The following NRG3 variants were observed in gnomAD, a reference collection of about 807,000 sequenced individuals.
The protein encoded by NRG3 is pro-neuregulin-3, membrane-bound isoform.
A neutral mutation model predicts 66.9 loss-of-function variants in NRG3; 31 were observed. The ratio of observed to expected loss-of-function variants is 0.46; its 90% CI spans 0.35 to 0.63. The LOEUF is 0.63. NRG3 is among the 20% of genes least tolerant of loss of function. The pLI, the probability that NRG3 is intolerant of heterozygous loss-of-function variation, is 0.00. For missense variants in NRG3, 910 were observed against 878.9 expected (o/e 1.04, Z -0.45); for synonymous variants, 393 against 359.4 (o/e 1.09, Z -1.06).
chr10:82,524,245 C>CAATATGGT (rs1438003516), intron 2 of NRG3, among the ~76,000 whole-genome samples: 1 of 151,882 alleles, frequency 6.6e-6, no homozygotes, highest in African/African-American at 2.4e-5. Flanking sequence ...CAAAAAATAG[C>CAATATGGT]AATATGGTTG....
chr10:82,500,535 G>A (rs1844073912), intron 2 of NRG3, among the ~76,000 whole-genome samples: 2 of 152,152 alleles, frequency 1.3e-5, no homozygotes, highest in Non-Finnish European at 2.9e-5. Flanking sequence ...TGCTTCCGCT[G>A]CAGTGCATTG....
chr10:82,146,055 C>T lies in NRG3; in HGVS notation c.824-212684C>T, dbSNP rs138264397. The stretch of plus-strand genomic sequence containing the variant: ...AAATATTTTGTGAGTGAGTTAAACA[C>T]CTCACATCTTGACATAAGGCATGTA... On this transcript the variant is annotated intron_variant, in intron 1 of 8. Transcript: ENST00000372141. 1.2e-3 allele frequency among the ~76,000 whole-genome samples: 184 copies of T among 152,272 alleles called. 1 individual carries two copies. Among genetic ancestry groups the T allele is most frequent in the Non-Finnish European group, 2.0e-3 (139 of 68,022 alleles).
intron 1 of NRG3, among the ~76,000 whole-genome samples, chr10:82,144,482 G>C (rs2070093297): frequency 6.6e-6 from 1 of 152,176 alleles, no homozygotes; most frequent in African/African-American, 2.4e-5. Context: ...CTTTGGTGAA[G>C]AATGTCCTCA....
chr10:82,612,747 A>G (rs773703318), intron 2 of NRG3, among the ~76,000 whole-genome samples: 2 of 152,164 alleles, frequency 1.3e-5, no homozygotes, highest in African/African-American at 4.8e-5. Context: ...TTACACTGTC[A>G]TATTTTTGTA....
At chr10:82,708,323 T>G (rs1291827803) in intron 2 of NRG3, among the ~76,000 whole-genome samples, 2 of 152,168 alleles carry the variant, frequency 1.3e-5, no homozygotes, top group Admixed American at 1.3e-4. Context: ...CCAACATGTA[T>G]TTTAGGTGCA....
At chr10:82,122,897 C>T (rs529399038) in intron 1 of NRG3, among the ~76,000 whole-genome samples, 1 of 152,156 alleles carries the variant, frequency 6.6e-6, no homozygotes, top group Admixed American at 6.6e-5. Context: ...TATAACACCT[C>T]TTAATCTCTC....
chr10:82,721,577 C>T (rs996587345), intron 2 of NRG3, among the ~76,000 whole-genome samples: 1 of 152,120 alleles, frequency 6.6e-6, no homozygotes, highest in Non-Finnish European at 1.5e-5. Context: ...CACCCTCCGC[C>T]ACACCTGGCT....
intron 1 of NRG3, among the ~76,000 whole-genome samples, chr10:82,357,197 T>A (rs1370815097): frequency 6.6e-6 from 1 of 152,222 alleles, no homozygotes; most frequent in African/African-American, 2.4e-5. Flanking sequence ...TTAAGTTGCA[T>A]AAAGTTTTAG....
At chr10:82,781,320 T>G (rs984314803) in intron 3 of NRG3, among the ~76,000 whole-genome samples, 4 of 152,212 alleles carry the variant, frequency 2.6e-5, no homozygotes, top group African/African-American at 9.6e-5. Flanking sequence ...TTCTTATTAC[T>G]CTCTAATTTA....
At chr10:81,965,081 TAAAGA>T (rs995600300) in intron 1 of NRG3, among the ~76,000 whole-genome samples, 1 of 152,114 alleles carries the variant, frequency 6.6e-6, no homozygotes, top group African/African-American at 2.4e-5. Context: ...AATACAAGGG[TAAAGA>T]AAACAGACAA....
At chr10:82,430,149 T>C (rs893288941) in intron 2 of NRG3, among the ~76,000 whole-genome samples, 1 of 152,210 alleles carries the variant, frequency 6.6e-6, no homozygotes, top group Non-Finnish European at 1.5e-5. Flanking sequence ...ATTCAATGTC[T>C]TTTTCTAGTA....
At chr10:81,907,122 G>A (rs1399674733) in intron 1 of NRG3, among the ~76,000 whole-genome samples, 1 of 152,096 alleles carries the variant, frequency 6.6e-6, no homozygotes, top group East Asian at 1.9e-4. Flanking sequence ...GACTTTTCTA[G>A]CTTCCATTTG....
chr10:82,790,828 T>C (rs1391570746), intron 3 of NRG3, among the ~76,000 whole-genome samples: 4 of 151,976 alleles, frequency 2.6e-5, no homozygotes, highest in Non-Finnish European at 5.9e-5. Context: ...AAATTCACTG[T>C]TTTTTTCCTT....
At chr10:82,392,725 T>C (rs2086462455) in intron 2 of NRG3, among the ~76,000 whole-genome samples, 1 of 152,108 alleles carries the variant, frequency 6.6e-6, no homozygotes, top group Non-Finnish European at 1.5e-5. Context: ...CCTGGAAGAA[T>C]GCAGCATTAT....
intron 2 of NRG3, among the ~76,000 whole-genome samples, chr10:82,552,023 C>T (rs572768915): frequency 2.6e-5 from 4 of 152,070 alleles, no homozygotes; most frequent in African/African-American, 7.2e-5. Flanking sequence ...GCCTGGAATT[C>T]GAGATTGCAG....
At position 82,007,211 on chromosome 10, in the gene NRG3, C is replaced by CTT. The variant is rs34146080; in HGVS notation, c.823+131063_823+131064dup. Among the ~76,000 whole-genome samples the CTT allele has an allele frequency of 2.4e-3, 308 of 130,494 alleles. 3 individuals are homozygous for CTT. The highest frequency in any genetic ancestry group is 7.9e-3 in the South Asian group (33 of 4,170). 85.6% of individuals were successfully genotyped at this position (130,494 alleles called of 152,430 possible). On this transcript the variant is annotated intron_variant, in intron 1 of 8. Transcript: ENST00000372141. ...AAAATCAAATTTTCTTTTTTCTTTT[C>CTT]TTTTTTTTTTTTTTTTGAGACAGAG...
chr10:82,803,417 A>T (rs978175836), intron 3 of NRG3, among the ~76,000 whole-genome samples: 1 of 152,248 alleles, frequency 6.6e-6, no homozygotes, highest in African/African-American at 2.4e-5. Context: ...CTAATAAATC[A>T]TTGAAGACAA....
chr10:82,808,756 C>T (rs1302033060), intron 3 of NRG3, among the ~76,000 whole-genome samples: 2 of 152,170 alleles, frequency 1.3e-5, no homozygotes, highest in Non-Finnish European at 2.9e-5. Context: ...ATTCCTTATA[C>T]AGCTACTTAT....
At chr10:82,976,914 T>C (rs1032605675) in intron 7 of NRG3, among the ~76,000 whole-genome samples, 1 of 152,180 alleles carries the variant, frequency 6.6e-6, no homozygotes, top group Admixed American at 6.5e-5. Flanking sequence ...AGAGGGATAA[T>C]AACAGCTTCC....
Sources: gnomAD v4.1 joint callset for allele counts (sites outside exome capture counted in the v4.1 genomes callset) on GRCh38, gnomAD v4.1.1 for gene constraint, MANE v1.5 for transcripts, NCBI Gene and HGNC (gene_info 2026-07-23, HGNC 2026-07-21) for gene names.